Variants in EPHA3 observed in about 807,000 individuals in gnomAD.
The protein encoded by EPHA3 is ephrin type-A receptor 3.
Under a neutral mutation model 107.1 loss-of-function variants are expected in EPHA3, and 42 were observed. The ratio of observed to expected loss-of-function variants is 0.39; its 90% CI spans 0.31 to 0.51. The LOEUF (loss-of-function observed/expected upper bound fraction) is 0.51. EPHA3 is among the 20% of genes least tolerant of loss of function. EPHA3 has a pLI of 0.78. For synonymous variants in EPHA3, 461 were observed against 424.8 expected (o/e 1.09, Z -1.05); for missense variants, 1,183 against 1,211.2 (o/e 0.98, Z 0.35).
At chr3:89,212,748 C>T (rs1238512370) in intron 3 of EPHA3, among the ~76,000 whole-genome samples, 1 of 151,938 alleles carries the variant, frequency 6.6e-6, no homozygotes, top group South Asian at 2.1e-4. Flanking sequence ...AATATTCCTT[C>T]TCATATAAAC....
At chr3:89,302,455 A>C (rs1247666386) in intron 3 of EPHA3, among the ~76,000 whole-genome samples, 2 of 152,078 alleles carry the variant, frequency 1.3e-5, no homozygotes, top group African/African-American at 2.4e-5. Flanking sequence ...TTTTCTATCC[A>C]TTTGAGGAGT....
chr3:89,366,983 C>T (rs575559007), intron 5 of EPHA3, among the ~76,000 whole-genome samples: 6 of 150,708 alleles, frequency 4.0e-5, no homozygotes, highest in Middle Eastern at 3.4e-3. Context: ...AACATTCTTC[C>T]TATCTTCACT....
chr3:89,119,147 C>T (rs1259792438), intron 1 of EPHA3, among the ~76,000 whole-genome samples: 1 of 152,016 alleles, frequency 6.6e-6, no homozygotes, highest in African/African-American at 2.4e-5. Context: ...TCCAAAATAA[C>T]TAAATATTCA....
At chr3:89,219,723 T>TTTTTTTTTG (rs2107203369) in intron 3 of EPHA3, among the ~76,000 whole-genome samples, 1 of 75,720 alleles carries the variant, frequency 1.3e-5, no homozygotes. Flanking sequence ...TTTTTTTTTT[T>TTTTTTTTTG]TTTGAGACGG....
At chr3:89,356,000 C>A (rs1386529263) in intron 5 of EPHA3, among the ~76,000 whole-genome samples, 1 of 114,910 alleles carries the variant, frequency 8.7e-6, no homozygotes, top group African/African-American at 3.1e-5. Flanking sequence ...CACCCCACAA[C>A]AGTCCCCAGA....
At chr3:89,389,992 C>G (rs1351492892) in intron 5 of EPHA3, among the ~76,000 whole-genome samples, 1 of 151,668 alleles carries the variant, frequency 6.6e-6, no homozygotes, top group Non-Finnish European at 1.5e-5. Context: ...CAATTATTAA[C>G]TTTTTTTAAA....
chr3:89,122,697 A>C (rs1707416580), intron 1 of EPHA3, among the ~76,000 whole-genome samples: 1 of 152,222 alleles, frequency 6.6e-6, no homozygotes, highest in Non-Finnish European at 1.5e-5. Flanking sequence ...ATGTCCTTTA[A>C]AAATCTTTAT....
chr3:89,128,960 G>A (rs1269889225), intron 2 of EPHA3, among the ~76,000 whole-genome samples: 2 of 151,998 alleles, frequency 1.3e-5, no homozygotes, highest in Non-Finnish European at 2.9e-5. Context: ...TAGACAGTGG[G>A]GTATTCTTAG....
At chr3:89,111,290 C>T (rs1707099692) in intron 1 of EPHA3, among the ~76,000 whole-genome samples, 1 of 151,892 alleles carries the variant, frequency 6.6e-6, no homozygotes, top group Admixed American at 6.6e-5. Context: ...AATAAATTGG[C>T]ATCACTTTTC....
intron 3 of EPHA3, among the ~76,000 whole-genome samples, chr3:89,304,297 A>G (rs1165147460): frequency 6.6e-6 from 1 of 151,922 alleles, no homozygotes; most frequent in Admixed American, 6.6e-5. Flanking sequence ...TTTATTCCCA[A>G]CGTAGACATG....
chr3:89,289,030 CTA>C (rs1241358599), intron 3 of EPHA3, among the ~76,000 whole-genome samples: 3 of 152,236 alleles, frequency 2.0e-5, no homozygotes, highest in South Asian at 2.1e-4. Flanking sequence ...TGTCAAATTT[CTA>C]TGTCTTTACC....
chr3:89,451,792 A>G (rs972138029), intron 15 of EPHA3, among the ~76,000 whole-genome samples: 2 of 152,084 alleles, frequency 1.3e-5, no homozygotes, highest in African/African-American at 2.4e-5. Flanking sequence ...TTCCATTGCT[A>G]CAAAGCTTAG....
chr3:89,254,764 A>C (rs562529579), intron 3 of EPHA3, among the ~76,000 whole-genome samples: 12 of 152,342 alleles, frequency 7.9e-5, no homozygotes, highest in African/African-American at 2.9e-4. Context: ...ATGTGTGACT[A>C]CCACTTTCTT....
At chr3:89,228,946 A>G (rs967751015) in intron 3 of EPHA3, among the ~76,000 whole-genome samples, 15 of 151,954 alleles carry the variant, frequency 9.9e-5, no homozygotes, top group Non-Finnish European at 7.4e-5. Context: ...CAACTTTCAT[A>G]TGTAGTGAAG....
At chr3:89,154,759 T>TA (rs1006866305) in intron 2 of EPHA3, among the ~76,000 whole-genome samples, 1 of 150,638 alleles carries the variant, frequency 6.6e-6, no homozygotes, top group African/African-American at 2.4e-5. Context: ...GTTGGAACTT[T>TA]AAAAAAAACA....
At chr3:89,230,763 G>A (rs1704609891) in intron 3 of EPHA3, among the ~76,000 whole-genome samples, 1 of 149,610 alleles carries the variant, frequency 6.7e-6, no homozygotes, top group Admixed American at 6.7e-5. Flanking sequence ...CCACTGGTAT[G>A]GTTCCACTTC....
intron 3 of EPHA3, among the ~76,000 whole-genome samples, chr3:89,307,508 T>C (rs931076917): frequency 6.6e-6 from 1 of 152,162 alleles, no homozygotes; most frequent in Non-Finnish European, 1.5e-5. Context: ...GTCTAAATGG[T>C]ATATATATGG....
At chr3:89,249,861 A>G (rs1705120371) in intron 3 of EPHA3, among the ~76,000 whole-genome samples, 2 of 152,194 alleles carry the variant, frequency 1.3e-5, no homozygotes, top group Admixed American at 6.5e-5. Context: ...CCTGGCCAAC[A>G]TGTTGCCATT....
chr3:89,189,340 A>G (rs1323273415), intron 2 of EPHA3, among the ~76,000 whole-genome samples: 2 of 152,316 alleles, frequency 1.3e-5, no homozygotes, highest in Non-Finnish European at 2.9e-5. Context: ...CACGTCTGTA[A>G]TCCCAGCACT....
Sources: gnomAD v4.1 joint callset for allele counts (sites outside exome capture counted in the v4.1 genomes callset) on GRCh38, gnomAD v4.1.1 for gene constraint, MANE v1.5 for transcripts, NCBI Gene and HGNC (gene_info 2026-07-23, HGNC 2026-07-21) for gene names.